Variants in DZIP1L observed in about 807,000 individuals in gnomAD.
DZIP1L encodes DAZ interacting zinc finger protein 1 like.
DZIP1L carries 90 observed loss-of-function variants against 88.7 expected under a neutral mutation model. That is an observed-to-expected ratio of 1.02 (90% CI 0.86 to 1.21). The LOEUF is 1.21. Among genes scored for constraint, DZIP1L ranks in the 50% most tolerant of loss-of-function variants. The pLI, the probability that DZIP1L is intolerant of heterozygous loss-of-function variation, is 0.00. For missense variants in DZIP1L, 932 were observed against 955.8 expected (o/e 0.98, Z 0.33); for synonymous variants, 363 against 372.1 (o/e 0.98, Z 0.28).
At chr3:138,091,435 T>C (rs539887526) in intron 5 of DZIP1L, among the ~76,000 whole-genome samples, 38 of 151,450 alleles carry the variant, frequency 2.5e-4, no homozygotes, top group African/African-American at 9.0e-4. Context: ...CTGATCAACA[T>C]GGTGAAACCC....
At chr3:138,085,219 C>T (rs1231795996) in intron 7 of DZIP1L, among the ~76,000 whole-genome samples, 1 of 152,150 alleles carries the variant, frequency 6.6e-6, no homozygotes, top group Non-Finnish European at 1.5e-5. Flanking sequence ...GTCTAAAACA[C>T]CAAAAGCAAT....
intron 2 of DZIP1L, among the ~76,000 whole-genome samples, chr3:138,100,852 C>G (rs1347037733): frequency 6.6e-6 from 1 of 152,204 alleles, no homozygotes; most frequent in Non-Finnish European, 1.5e-5. Flanking sequence ...GCAAATGTCC[C>G]TAATCCATAC....
chr3:138,086,044 G>A (rs1245806888), intron 7 of DZIP1L, among the ~76,000 whole-genome samples: 4 of 151,952 alleles, frequency 2.6e-5, no homozygotes, highest in Admixed American at 6.6e-5. Flanking sequence ...ACTCATAGTT[G>A]GGAATTGAAC....
rs778112346 is a variant in DZIP1L, at chr3:138,068,203, G to C, written c.1780C>G (p.Pro594Ala). ...LTQVSAPAPR[P>A]GLHGPSSTPP... is the part of the protein sequence containing the mutation. ...GTGCTGGAGGGTCCATGCAGTCCGGGGCGTGGAGCGGGGGCGGACACCTGG... is the reference window on the plus strand; with the variant it reads ...GTGCTGGAGGGTCCATGCAGTCCGGCGCGTGGAGCGGGGGCGGACACCTGG... Residue 594 changes from proline (P) to alanine (A), a missense_variant, in exon 13 of 16, where the codon CCC (proline) becomes GCC (alanine). Pro to Ala is a conservative substitution (Grantham distance 27, BLOSUM62 -1). Coordinates refer to ENST00000327532, the MANE Select transcript of DZIP1L (RefSeq NM_173543.3). 1.3e-6 allele frequency: 2 copies of C among 1,589,808 alleles called. No homozygotes were observed. The highest frequency in any genetic ancestry group is 1.7e-6 in the Non-Finnish European group (2 of 1,166,846).
chr3:138,066,988 T>A (rs1285577874), intron 14 of DZIP1L, among the ~76,000 whole-genome samples: 1 of 152,096 alleles, frequency 6.6e-6, no homozygotes, highest in Admixed American at 6.5e-5. Context: ...CAGCTGCCTG[T>A]TTAAGGGCCT....
chr3:138,071,852 T>A lies in DZIP1L; in HGVS notation c.1423-17A>T. 6.2e-7 allele frequency: 1 copy of A among 1,603,358 alleles called. No individual in the cohort carries two copies. The highest frequency in any genetic ancestry group is 8.5e-7 in the Non-Finnish European group (1 of 1,175,424). ...CTTTGCATCCTAGAGGAGACAGGAG[T>A]TCACCTTTACAGAGAGAGGCTACCC... On this transcript the variant is annotated splice_polypyrimidine_tract_variant and intron_variant, in intron 11 of 15. Coordinates refer to ENST00000327532, the MANE Select transcript of DZIP1L (RefSeq NM_173543.3).
At chr3:138,073,415 C>G (rs1459425772) in intron 11 of DZIP1L, among the ~76,000 whole-genome samples, 1 of 152,194 alleles carries the variant, frequency 6.6e-6, no homozygotes, top group African/African-American at 2.4e-5. Flanking sequence ...CAGACACTCC[C>G]CAGTACCAGC....
chr3:138,098,289 T>C (rs1559855278), intron 2 of DZIP1L, among the ~76,000 whole-genome samples: 1 of 152,226 alleles, frequency 6.6e-6, no homozygotes, highest in Non-Finnish European at 1.5e-5. Flanking sequence ...TTGATACTGT[T>C]AGTGTGTAGA....
intron 7 of DZIP1L, 27 bp downstream of exon 7, chr3:138,086,934 T>TC: frequency 1.2e-6 from 2 of 1,611,340 alleles, no homozygotes; most frequent in South Asian, 2.2e-5. Flanking sequence ...GAAACCAAGC[T>TC]CCCCGAGATC....
At chr3:138,085,412 A>G (rs942081681) in intron 7 of DZIP1L, among the ~76,000 whole-genome samples, 14 of 152,194 alleles carry the variant, frequency 9.2e-5, no homozygotes, top group African/African-American at 3.4e-4. Flanking sequence ...ATTTACAAGA[A>G]AAAAACAAAC....
intron 4 of DZIP1L, 69 bp from the exon 5 acceptor site, chr3:138,092,613 C>G (rs1944292230): frequency 6.9e-7 from 1 of 1,441,606 alleles, no homozygotes; most frequent in Admixed American, 2.5e-5. Context: ...TAAGAACCTA[C>G]TTAGGCCTCC....
In DZIP1L at chr3:138,062,984, G is replaced by C; in HGVS notation, c.2143-7C>G. 1.9e-6 allele frequency: 3 copies of C among 1,613,338 alleles called. No homozygotes were observed. The highest frequency in any genetic ancestry group is 1.1e-5 in the South Asian group (1 of 91,058). On this transcript the variant is annotated splice_polypyrimidine_tract_variant and splice_region_variant and intron_variant, in intron 15 of 15. Coordinates refer to ENST00000327532, the MANE Select transcript of DZIP1L (RefSeq NM_173543.3). ...CACTCTCATCTTCAGAAAGCTGCAG[G>C]GGGTAAAGGGGAGAAGAAAATGCAT... is the stretch of plus-strand genomic sequence containing the variant.
intron 1 of DZIP1L, among the ~76,000 whole-genome samples, chr3:138,106,492 G>C (rs564324761): frequency 6.6e-6 from 1 of 152,004 alleles, no homozygotes; most frequent in East Asian, 1.9e-4. Context: ...AAGTGCAATA[G>C]AAAGTCAAAG....
At chr3:138,087,327 G>T (rs1420946121) in intron 6 of DZIP1L, among the ~76,000 whole-genome samples, 1 of 152,090 alleles carries the variant, frequency 6.6e-6, no homozygotes, top group Non-Finnish European at 1.5e-5. Flanking sequence ...AAAAAATAAG[G>T]CCAAAAAGTA....
chr3:138,075,706 G>A (rs566213012), intron 11 of DZIP1L, among the ~76,000 whole-genome samples: 3 of 152,276 alleles, frequency 2.0e-5, no homozygotes, highest in Admixed American at 1.3e-4. Flanking sequence ...AAAAGTCTGC[G>A]GCCTGGCGCG....
intron 12 of DZIP1L, among the ~76,000 whole-genome samples, chr3:138,069,960 C>T (rs1943101991): frequency 6.6e-6 from 1 of 152,174 alleles, no homozygotes; most frequent in South Asian, 2.1e-4. Flanking sequence ...AAGGCAGAAC[C>T]CCAGGGCCAG....
At chr3:138,099,673 G>C (rs183747766) in intron 2 of DZIP1L, among the ~76,000 whole-genome samples, 2 of 152,138 alleles carry the variant, frequency 1.3e-5, no homozygotes, top group Admixed American at 6.5e-5. Context: ...TCCCTTGGGG[G>C]TGAGGGAGTT....
In DZIP1L at chr3:138,102,765, G is replaced by A. The variant is rs544876470; in HGVS notation, c.501+706C>T. 97 of 772,490 alleles carry A rather than the reference G, an allele frequency of 1.3e-4. 1 individual carries two copies. The African/African-American group carries it at 1.4e-3, about 11-fold the overall frequency. 47.9% of individuals were successfully genotyped at this position (772,490 alleles called of 1,614,324 possible). A position where few individuals can be genotyped will look rare whatever the true frequency, so the allele number is the denominator to read the frequency against. On this transcript the variant is annotated intron_variant, in intron 2 of 15. Transcript: ENST00000327532. ...TGCCACTGGCCCCACCATAGCCTCC[G>A]CCCAGGTCACCCCGGAAGCTGCTGC... is the stretch of plus-strand genomic sequence containing the variant.
In DZIP1L at chr3:138,064,714, C is replaced by G. The variant is rs781475894; in HGVS notation, c.2056G>C (p.Ala686Pro). The G allele has an allele frequency of 6.2e-7, 1 of 1,609,230 alleles. No individual in the cohort carries two copies. The highest frequency in any genetic ancestry group is 8.5e-7 in the Non-Finnish European group (1 of 1,178,370). Residue 686 changes from alanine (A) to proline (P), a missense_variant, in exon 15 of 16, where the codon GCA (alanine) becomes CCA (proline). Coordinates refer to ENST00000327532, the MANE Select transcript of DZIP1L (RefSeq NM_173543.3). ...CTGACCCCTCCAGCAGGCTTCTTTG[C>G]TGGAGCTTCTAGCTGCTTCTCCAGG... ...KNLEKQLEAP[A>P]KKPAGGVSLF... is the part of the protein sequence containing the mutation.
Sources: allele counts gnomAD v4.1 joint callset (sites outside exome capture counted in the v4.1 genomes callset), GRCh38; gene constraint gnomAD v4.1.1; transcripts MANE v1.5; gene names NCBI Gene and HGNC (gene_info 2026-07-23, HGNC 2026-07-21).